TTN: variants seen among roughly 807,000 people sequenced by gnomAD.
The protein encoded by TTN is connectin.
In TTN, 1,525 loss-of-function variants were observed where a neutral mutation model predicts 3,223.0. That is an observed-to-expected ratio of 0.47 (90% CI 0.45 to 0.49). TTN has a LOEUF of 0.49. Among genes scored for constraint, TTN ranks in the 20% least tolerant of loss-of-function variants. TTN has a pLI of 0.00. For missense variants in TTN, 40,786 were observed against 43,424.0 expected, an observed-to-expected ratio of 0.94 and a Z score of 5.40; for synonymous variants, 14,094 against 15,161.0, an observed-to-expected ratio of 0.93 and a Z score of 5.17.
chr2:178,667,122 A>C (rs1028007103), intron 162 of TTN, 114 bp downstream of exon 162: 1 of 1,092,526 alleles, frequency 9.2e-7, no homozygotes, highest in African/African-American at 1.6e-5. Context: ...CAGATCCTTT[A>C]AACACAGTAT....
rs750385307 is a variant in TTN, at chr2:178,713,860, T to C, written c.26761+37A>G. 4 of 1,602,900 alleles carry C rather than the reference T, an allele frequency of 2.5e-6. No homozygotes were observed. The African/African-American group carries it at 5.4e-5, about 22-fold the overall frequency. ...TTATGAAAATCAGGAACTACATTAT[T>C]ATAATGATGAAGGAAAAGCCCAAGA... On this transcript the variant is annotated intron_variant, in intron 92 of 362. Coordinates refer to ENST00000589042, the MANE Select transcript of TTN (RefSeq NM_001267550.2).
At chr2:178,760,606 T>G (rs760081531) in intron 43 of TTN, among the ~76,000 whole-genome samples, 2 of 152,214 alleles carry the variant, frequency 1.3e-5, no homozygotes, top group Non-Finnish European at 2.9e-5. Flanking sequence ...TCTGGATTAG[T>G]CTTTTCATTT....
intron 284 of TTN, 26 bp downstream of exon 284, chr2:178,601,976 A>G (rs1400477209): frequency 6.2e-7 from 1 of 1,612,722 alleles, no homozygotes; most frequent in Non-Finnish European, 8.5e-7. Context: ...TCAGTGGAAA[A>G]AAGAGGAGAA....
intron 127 of TTN, 111 bp downstream of exon 127, chr2:178,688,000 C>T (rs2071345117): frequency 1.3e-6 from 1 of 798,814 alleles, no homozygotes; most frequent in South Asian, 1.8e-5. Flanking sequence ...TAGATGTTCA[C>T]TGAATTTGTG....
Position 178,718,832 on chromosome 2 carries a change from G to A in TTN, c.24368C>T (p.Ser8123Leu), listed in dbSNP as rs879096365. Residue 8123 changes from serine to leucine, a missense_variant, in exon 84 of 363, where the codon TCA (serine) becomes TTA (leucine). Ser to Leu is a moderately radical substitution (Grantham distance 145). Transcript: ENST00000589042. ...KGSRELVPGESCNISLEDFVT... is the reference protein window; with the variant it reads ...KGSRELVPGELCNISLEDFVT... Reference sequence around the variant, plus strand: ...AAAATCTTCCAGAGAGATGTTGCATGACTCCCCAGGCACCAGTTCCCTGCT... The same window carrying A: ...AAAATCTTCCAGAGAGATGTTGCATAACTCCCCAGGCACCAGTTCCCTGCT... The A allele has an allele frequency of 9.3e-6, 15 of 1,613,632 alleles. No homozygotes were observed. Among genetic ancestry groups the A allele is most frequent in the African/African-American group, 5.3e-5 (4 of 74,884 alleles).
Position 178,738,096 on chromosome 2 carries a change from G to A in TTN, c.14357C>T (p.Thr4786Ile). 6.2e-7 allele frequency: 1 copy of A among 1,613,230 alleles called. No individual in the cohort carries two copies. The highest frequency in any genetic ancestry group is 1.1e-5 in the South Asian group (1 of 91,056). The change falls in exon 49 of 363, where the codon ACA becomes ATA. Residue 4786 changes from threonine (T) to isoleucine (I), a missense_variant. By Grantham distance (89) the Thr-to-Ile change is moderately conservative. Transcript: ENST00000589042. ...ATGGCATTTACCTGTCACAGTTAGT[G>A]TGGCTGTACAGCTGACACTGCCATA... is the stretch of plus-strand genomic sequence containing the variant. Reference protein sequence around the residue: ...NEYGSVSCTATLTVTEAYPPT... With the variant: ...NEYGSVSCTAILTVTEAYPPT...
chr2:178,764,898 T>C (rs1472376767), intron 41 of TTN, 87 bp from the exon 42 acceptor site: 1 of 1,511,604 alleles, frequency 6.6e-7, no homozygotes, highest in African/African-American at 1.4e-5. Flanking sequence ...TGTTGCTGGC[T>C]AGTTATACAT....
In TTN at chr2:178,706,526, T is replaced by A. The variant is rs1254488322; in HGVS notation, c.29348A>T (p.Asn9783Ile). 1.2e-6 allele frequency: 2 copies of A among 1,613,882 alleles called. No homozygotes were observed. Among genetic ancestry groups the A allele is most frequent in the Non-Finnish European group, 1.7e-6 (2 of 1,179,830 alleles). Residue 9783 changes from asparagine (N) to isoleucine (I), a missense_variant, in exon 102 of 363, where the codon AAT (asparagine) becomes ATT (isoleucine). Physicochemically the swap from Asn to Ile is moderately radical, Grantham distance 149. Coordinates refer to ENST00000589042, the MANE Select transcript of TTN (RefSeq NM_001267550.2). ...CCTTTCATCCACCTGTAAGTTAACA[T>A]TACTTTCAATTTCACCATGTTCGTT... The part of the protein sequence containing the change: ...AFNEHGEIES[N>I]VNLQVDERKK...
Position 178,716,001 on chromosome 2 carries a change from A to G in TTN, c.25640-227T>C, listed in dbSNP as rs529212332. Among the ~76,000 whole-genome samples the G allele has an allele frequency of 2.0e-5, 3 of 152,312 alleles. No individual in the cohort carries two copies. The South Asian group carries it at 6.2e-4, about 32-fold the overall frequency. ...CAAGTATTATTACTAAAAGAAGGAG[A>G]AAAAGACATTACTCTTTATTGTGCC... On this transcript the variant is annotated intron_variant, in intron 88 of 362. Transcript: ENST00000589042.
rs550285671 is a variant in TTN at position 178,573,412 on chromosome 2, A to G, written c.72720T>C (p.Val24240=). Residue 24240 remains valine, a synonymous_variant, in exon 326 of 363, where the codon GTT becomes GTC. Transcript: ENST00000589042. The part of the protein sequence containing the change: ...EVTTITKDSM[V]VCWGHPDSDG... ...CAGAATCAGGATGTCCCCAGCAGAC[A>G]ACCATCGAATCTTTAGTAATAGTTG... The G allele has an allele frequency of 4.6e-6, 7 of 1,520,412 alleles. No individual in the cohort carries two copies. The highest frequency in any genetic ancestry group is 4.6e-5 in the East Asian group (2 of 43,826). The allele number at this position is 1,520,412 out of a possible 1,614,324, so 94.2% of individuals were successfully genotyped here. A position where few individuals can be genotyped will look rare whatever the true frequency, so the allele number is the denominator to read the frequency against.
chr2:178,755,924 T>C (rs1182653004), intron 46 of TTN, among the ~76,000 whole-genome samples: 2 of 152,200 alleles, frequency 1.3e-5, no homozygotes, highest in East Asian at 3.8e-4. Flanking sequence ...ATTTTAACTT[T>C]GCTACACTTT....
Position 178,730,983 on chromosome 2 carries a change from A to G in TTN, c.17682T>C (p.Thr5894=). ...STEKKDSGEY[T]FEVQNDVGRS... Reference sequence around the variant, plus strand: ...TCCCAACATCATTTTGGACCTCGAAAGTATATTCTCCACTATCTTTCTTTT... The same window carrying G: ...TCCCAACATCATTTTGGACCTCGAAGGTATATTCTCCACTATCTTTCTTTT... Residue 5894 remains threonine, a synonymous_variant, in exon 60 of 363, where the codon ACT becomes ACC. Transcript: ENST00000589042. 6.2e-7 allele frequency: 1 copy of G among 1,613,030 alleles called. No individual in the cohort carries two copies. The highest frequency in any genetic ancestry group is 8.5e-7 in the Non-Finnish European group (1 of 1,179,286).
At chr2:178,788,319 C>T (rs2093314826) in intron 13 of TTN, among the ~76,000 whole-genome samples, 1 of 151,968 alleles carries the variant, frequency 6.6e-6, no homozygotes, top group African/African-American at 2.4e-5. Context: ...AGCTTCCATC[C>T]TTAGCTAATT....
Position 178,549,061 on chromosome 2 carries a change from C to A in TTN, c.92565G>T (p.Gly30855=), listed in dbSNP as rs771470410. Residue 30855 remains glycine (G), a synonymous_variant, in exon 339 of 363, where the codon GGG becomes GGT. Transcript: ENST00000589042. ...CGGCCTTACACATTTCAATAATATA[C>A]CCAATTATTTCCATGCCACCATCAA... ...PVFDGGMEII[G]YIIEMCKADL... 6.2e-7 allele frequency: 1 copy of A among 1,613,814 alleles called. No individual in the cohort carries two copies. Among genetic ancestry groups the A allele is most frequent in the Non-Finnish European group, 8.5e-7 (1 of 1,179,816 alleles).
intron 316 of TTN, 91 bp from the exon 317 acceptor site, chr2:178,580,700 T>C (rs944821937): frequency 8.1e-7 from 1 of 1,235,446 alleles, no homozygotes; most frequent in Non-Finnish European, 1.1e-6. Context: ...AATACATTTA[T>C]TTTCTAGAGC....
chr2:178,799,290 G>A lies in TTN; in HGVS notation c.914+197C>T, dbSNP rs1561498544. On this transcript the variant is annotated intron_variant, in intron 6 of 362. Transcript: ENST00000589042. The stretch of plus-strand genomic sequence containing the variant: ...GACCCTAGTAGGCAGACACACAAGC[G>A]GCTGGATGTCCAGAGGAACACGGAG... 5.6e-5 allele frequency: 43 copies of A among 762,152 alleles called. 1 individual carries two copies. Among genetic ancestry groups the A allele is most frequent in the Non-Finnish European group, 7.7e-5 (37 of 480,800 alleles). 47.2% of individuals were successfully genotyped at this position (762,152 alleles called of 1,614,324 possible).
Position 178,588,004 on chromosome 2 carries a change from AGCTG to A in TTN, c.63399_63402del (p.Ser21134TrpfsTer25). 1 of 1,612,838 alleles carries A rather than the reference AGCTG, an allele frequency of 6.2e-7. No homozygotes were observed. Among genetic ancestry groups the A allele is most frequent in the East Asian group, 2.2e-5 (1 of 44,598 alleles). ...AACTCATATTCCTGGTTTTCATCCA[AGCTG>A]GTAACAGTGAATTCCTTGCGTACAA... On this transcript the variant is annotated frameshift_variant, in exon 305 of 363. Transcript: ENST00000589042. LOFTEE classifies it high-confidence loss of function.
Position 178,741,027 on chromosome 2 carries a change from T to C in TTN, c.12206A>G (p.Gln4069Arg). 6.2e-7 allele frequency: 1 copy of C among 1,613,942 alleles called. No individual in the cohort carries two copies. The highest frequency in any genetic ancestry group is 8.5e-7 in the Non-Finnish European group (1 of 1,179,836). ...GPAVEALDSEQEIATFVKDTI... is the reference protein window; with the variant it reads ...GPAVEALDSEREIATFVKDTI... ...GTCTTTTACAAACGTTGCAATTTCC[T>C]GCTCTGAGTCAAGTGCTTCAACTGC... The change falls in exon 48 of 363, where the codon CAG (glutamine) becomes CGG (arginine). Residue 4069 changes from glutamine to arginine, a missense_variant. Physicochemically the swap from Gln to Arg is conservative, Grantham distance 43. Coordinates refer to ENST00000589042, the MANE Select transcript of TTN (RefSeq NM_001267550.2).
In TTN at chr2:178,651,178, G is replaced by C. The variant is rs1348949474; in HGVS notation, c.39625+65C>G. 3.7e-6 allele frequency: 5 copies of C among 1,352,094 alleles called. No homozygotes were observed. In the Admixed American group the frequency reaches 1.0e-4, roughly 27 times the overall value. The allele number at this position is 1,352,094 out of a possible 1,614,324, so 83.8% of individuals were successfully genotyped here. On this transcript the variant is annotated intron_variant, in intron 208 of 362. Coordinates refer to ENST00000589042, the MANE Select transcript of TTN (RefSeq NM_001267550.2). ...AAGAGGACTCGCAAACAAAAGGTTT[G>C]ATAATAGGTGACTTATTAGACAAGG...
Sources: gnomAD v4.1 joint callset for allele counts (sites outside exome capture counted in the v4.1 genomes callset) on GRCh38, gnomAD v4.1.1 for gene constraint, MANE v1.5 for transcripts, NCBI Gene and HGNC (gene_info 2026-07-23, HGNC 2026-07-21) for gene names.